DAAM1: variants seen among roughly 807,000 people sequenced by gnomAD.
DAAM1 encodes the protein disheveled-associated activator of morphogenesis 1.
Under a neutral mutation model 130.0 loss-of-function variants are expected in DAAM1, and 52 were observed. That is an observed-to-expected ratio of 0.40 (90% CI 0.32 to 0.50). The LOEUF (loss-of-function observed/expected upper bound fraction) is 0.50. Among genes scored for constraint, DAAM1 ranks in the 20% least tolerant of loss-of-function variants. The pLI, the probability that DAAM1 is intolerant of heterozygous loss-of-function variation, is 0.61. For missense variants in DAAM1, 1,134 were observed against 1,303.8 expected (o/e 0.87, Z 2.01); for synonymous variants, 452 against 444.5 (o/e 1.02, Z -0.21).
At chr14:59,291,394 C>T (rs1433727080) in intron 3 of DAAM1, 88 bp downstream of exon 3, 9 of 1,049,282 alleles carry the variant, frequency 8.6e-6, no homozygotes, top group South Asian at 1.6e-5. Context: ...TTGGACAGCT[C>T]TTTGTAATAT....
intron 1 of DAAM1, among the ~76,000 whole-genome samples, chr14:59,259,840 C>A (rs911893941): frequency 6.6e-6 from 1 of 152,006 alleles, no homozygotes; most frequent in Non-Finnish European, 1.5e-5. Flanking sequence ...GTCAGGAGAT[C>A]GAGACCATCT....
At chr14:59,310,150 G>T (rs1884528739) in intron 3 of DAAM1, among the ~76,000 whole-genome samples, 1 of 149,104 alleles carries the variant, frequency 6.7e-6, no homozygotes, top group Admixed American at 6.7e-5. Context: ...TTGCTCTGTG[G>T]CCCAGGCTGG....
At chr14:59,245,144 T>C (rs1033076990) in intron 1 of DAAM1, among the ~76,000 whole-genome samples, 3 of 152,196 alleles carry the variant, frequency 2.0e-5, no homozygotes, top group African/African-American at 7.2e-5. Flanking sequence ...TTCACGTGGA[T>C]CAAATGCATC....
intron 17 of DAAM1, among the ~76,000 whole-genome samples, chr14:59,348,870 G>A (rs1886180457): frequency 6.6e-6 from 1 of 152,128 alleles, no homozygotes; most frequent in African/African-American, 2.4e-5. Context: ...CTCTGCGGCT[G>A]GAATAGTCCT....
chr14:59,343,892 T>C (rs1885951678), intron 16 of DAAM1, among the ~76,000 whole-genome samples: 1 of 152,188 alleles, frequency 6.6e-6, no homozygotes, highest in South Asian at 2.1e-4. Flanking sequence ...GGACCATACC[T>C]TTCATGGGAA....
At chr14:59,347,662 C>A in intron 17 of DAAM1, 39 bp downstream of exon 17, 1 of 1,585,298 alleles carries the variant, frequency 6.3e-7, no homozygotes, top group Admixed American at 1.7e-5. Flanking sequence ...AAGTGAAAAG[C>A]GACCATCAAC....
intron 1 of DAAM1, among the ~76,000 whole-genome samples, chr14:59,261,818 G>A (rs1882168808): frequency 6.6e-6 from 1 of 152,200 alleles, no homozygotes; most frequent in Non-Finnish European, 1.5e-5. Flanking sequence ...ATGGGTTGGA[G>A]TTTACTTTTA....
intron 1 of DAAM1, among the ~76,000 whole-genome samples, chr14:59,219,554 C>T (rs927843921): frequency 6.6e-6 from 1 of 151,998 alleles, no homozygotes; most frequent in Non-Finnish European, 1.5e-5. Context: ...ATTGGTGGTG[C>T]TTTTTTCTTA....
chr14:59,195,185 C>T (rs1455841616), intron 1 of DAAM1, among the ~76,000 whole-genome samples: 1 of 145,882 alleles, frequency 6.9e-6, no homozygotes, highest in East Asian at 2.0e-4. Flanking sequence ...GCTCTGTCGC[C>T]CAGGCTGGAG....
chr14:59,292,712 C>A (rs1883799045), intron 3 of DAAM1, among the ~76,000 whole-genome samples: 1 of 152,168 alleles, frequency 6.6e-6, no homozygotes, highest in Non-Finnish European at 1.5e-5. Flanking sequence ...TTCTGGTGGC[C>A]TTTTCTGAGA....
chr14:59,297,756 T>C (rs1335856044), intron 3 of DAAM1, among the ~76,000 whole-genome samples: 1 of 152,208 alleles, frequency 6.6e-6, no homozygotes, highest in African/African-American at 2.4e-5. Flanking sequence ...TGTTCTCTTT[T>C]ATTATTACTG....
At chr14:59,281,906 C>A (rs941841108) in intron 2 of DAAM1, among the ~76,000 whole-genome samples, 26 of 151,914 alleles carry the variant, frequency 1.7e-4, no homozygotes, top group South Asian at 4.2e-4. Flanking sequence ...ATTATTATAC[C>A]CTGGTCATTG....
chr14:59,191,648 C>T (rs1887733190), intron 1 of DAAM1, among the ~76,000 whole-genome samples: 1 of 152,142 alleles, frequency 6.6e-6, no homozygotes, highest in Admixed American at 6.5e-5. Flanking sequence ...AGAATACATT[C>T]ACTCACATCG....
chr14:59,219,027 T>C (rs1475230727), intron 1 of DAAM1, among the ~76,000 whole-genome samples: 4 of 152,218 alleles, frequency 2.6e-5, no homozygotes, highest in Non-Finnish European at 5.9e-5. Flanking sequence ...GTGGCAGTTA[T>C]TGGAAAGACC....
intron 12 of DAAM1, among the ~76,000 whole-genome samples, chr14:59,327,402 C>CTTGTTTTTTTTTTTTTTTTTTTTTTT (rs1885248870): frequency 1.7e-5 from 1 of 58,990 alleles, no homozygotes. Context: ...CACTTGGTTT[C>CTTGTTTTTTTTTTTTTTTTTTTTTTT]TTTTTTTTTT....
chr14:59,346,688 A>G (rs1342000248), intron 16 of DAAM1, among the ~76,000 whole-genome samples: 2 of 152,038 alleles, frequency 1.3e-5, no homozygotes, highest in African/African-American at 4.8e-5. Context: ...TGTGATCAAG[A>G]TTTTTTTCCC....
At chr14:59,242,618 G>A (rs1334399685) in intron 1 of DAAM1, among the ~76,000 whole-genome samples, 3 of 152,068 alleles carry the variant, frequency 2.0e-5, no homozygotes, top group Non-Finnish European at 4.4e-5. Context: ...GAGTGCAGTG[G>A]CGTGATCTCG....
intron 1 of DAAM1, among the ~76,000 whole-genome samples, chr14:59,258,895 T>C (rs1566671488): frequency 6.6e-6 from 1 of 152,230 alleles, no homozygotes; most frequent in Admixed American, 6.5e-5. Flanking sequence ...TTGGTACTTA[T>C]TGAAAGGATT....
chr14:59,261,353 G>C (rs1205846307), intron 1 of DAAM1, among the ~76,000 whole-genome samples: 2 of 152,296 alleles, frequency 1.3e-5, no homozygotes, highest in Non-Finnish European at 2.9e-5. Context: ...TGAGTGACCT[G>C]TTCATTTCCA....
Sources: gnomAD v4.1 joint callset for allele counts (sites outside exome capture counted in the v4.1 genomes callset) on GRCh38, gnomAD v4.1.1 for gene constraint, MANE v1.5 for transcripts, NCBI Gene and HGNC (gene_info 2026-07-23, HGNC 2026-07-21) for gene names.